The following FOXJ3 variants were observed in gnomAD, a reference collection of about 807,000 sequenced individuals.
FOXJ3 encodes the protein forkhead box protein J3.
Under a neutral mutation model 76.1 loss-of-function variants are expected in FOXJ3, and 22 were observed. The ratio of observed to expected loss-of-function variants is 0.29; its 90% CI spans 0.21 to 0.41. The LOEUF (loss-of-function observed/expected upper bound fraction) is 0.41. Ranked by LOEUF, FOXJ3 falls within the 10% of genes least tolerant of loss-of-function variation. The pLI is 1.00. For missense variants in FOXJ3, 613 were observed against 762.1 expected (o/e 0.80, Z 2.30); for synonymous variants, 269 against 261.2 (o/e 1.03, Z -0.29).
chr1:42,197,705 G>GTC (rs760278769), intron 7 of FOXJ3, among the ~76,000 whole-genome samples: 1 of 151,550 alleles, frequency 6.6e-6, no homozygotes, highest in Non-Finnish European at 1.5e-5. Flanking sequence ...AGAAATAACA[G>GTC]TCTCGCTCTA....
At chr1:42,326,358 GAGCTTAGAAAATATATACAGGTTCAA>G (rs1278853132) in intron 1 of FOXJ3, among the ~76,000 whole-genome samples, 1 of 152,152 alleles carries the variant, frequency 6.6e-6, no homozygotes, top group Non-Finnish European at 1.5e-5. Context: ...TCACTGTAGA[GAGCTTAGAAAATATATACAGGTTCAA>G]AGAAGAAAAT....
chr1:42,294,101 A>G (rs1653620818), intron 2 of FOXJ3, among the ~76,000 whole-genome samples: 1 of 152,156 alleles, frequency 6.6e-6, no homozygotes, highest in South Asian at 2.1e-4. Flanking sequence ...TTATAAGGAT[A>G]CTCTGGATGT....
chr1:42,252,762 T>G (rs965886102), intron 4 of FOXJ3, among the ~76,000 whole-genome samples: 3 of 152,164 alleles, frequency 2.0e-5, no homozygotes, highest in Admixed American at 6.5e-5. Flanking sequence ...TTGTGGGCAT[T>G]TAGTGCTATA....
chr1:42,202,646 G>C (rs1454067241), intron 6 of FOXJ3, among the ~76,000 whole-genome samples: 1 of 152,032 alleles, frequency 6.6e-6, no homozygotes, highest in Non-Finnish European at 1.5e-5. Flanking sequence ...CTATCACAAG[G>C]AGAAAAAAAT....
At chr1:42,328,947 G>A (rs1052039381) in intron 1 of FOXJ3, among the ~76,000 whole-genome samples, 31 of 152,212 alleles carry the variant, frequency 2.0e-4, no homozygotes, top group African/African-American at 7.0e-4. Flanking sequence ...GTTTACAGGC[G>A]TGAGCCACCA....
intron 3 of FOXJ3, among the ~76,000 whole-genome samples, chr1:42,274,034 C>CAATG (rs1652069450): frequency 6.6e-6 from 1 of 152,144 alleles, no homozygotes; most frequent in African/African-American, 2.4e-5. Flanking sequence ...GGTTTACAAT[C>CAATG]AATGATACAG....
At chr1:42,279,589 A>C (rs1652544866) in intron 2 of FOXJ3, among the ~76,000 whole-genome samples, 1 of 152,210 alleles carries the variant, frequency 6.6e-6, no homozygotes, top group African/African-American at 2.4e-5. Context: ...TGCCAGGTTA[A>C]CACATATCCT....
chr1:42,244,942 G>A (rs1479748465), intron 4 of FOXJ3, among the ~76,000 whole-genome samples: 1 of 152,194 alleles, frequency 6.6e-6, no homozygotes, highest in Non-Finnish European at 1.5e-5. Context: ...AGCACCTTGG[G>A]AGGCCGAGGC....
intron 2 of FOXJ3, among the ~76,000 whole-genome samples, chr1:42,282,945 T>C (rs1386857143): frequency 6.6e-6 from 1 of 152,154 alleles, no homozygotes; most frequent in African/African-American, 2.4e-5. Context: ...AACTATCCAA[T>C]GAAGGTATGC....
At chr1:42,325,473 G>C (rs1424764586) in intron 1 of FOXJ3, among the ~76,000 whole-genome samples, 1 of 152,164 alleles carries the variant, frequency 6.6e-6, no homozygotes, top group East Asian at 1.9e-4. Context: ...AGTCTTTGCT[G>C]GCAGGGACCC....
At chr1:42,244,396 G>A (rs1649377224) in intron 4 of FOXJ3, among the ~76,000 whole-genome samples, 1 of 152,144 alleles carries the variant, frequency 6.6e-6, no homozygotes, top group Non-Finnish European at 1.5e-5. Context: ...TCTGCCTATA[G>A]TCCCAGCTAC....
intron 4 of FOXJ3, among the ~76,000 whole-genome samples, chr1:42,248,983 A>G (rs1649793385): frequency 6.6e-6 from 1 of 151,900 alleles, no homozygotes; most frequent in Non-Finnish European, 1.5e-5. Flanking sequence ...AACTCCCACT[A>G]TGAGTGAGAA....
chr1:42,237,493 G>C (rs1648779781), intron 4 of FOXJ3, among the ~76,000 whole-genome samples: 1 of 137,008 alleles, frequency 7.3e-6, no homozygotes, highest in Non-Finnish European at 1.5e-5. Context: ...TATATATATG[G>C]GCTATTTCTG....
At position 42,291,071 on chromosome 1, in the gene FOXJ3, T is replaced by TAGACAGACAGACAGAC. The variant is rs1393418289; in HGVS notation, c.45-12400_45-12399insGTCTGTCTGTCTGTCT. 1.7e-3 allele frequency among the ~76,000 whole-genome samples: 148 copies of TAGACAGACAGACAGAC among 87,526 alleles called. 2 individuals are homozygous for TAGACAGACAGACAGAC. Among genetic ancestry groups the TAGACAGACAGACAGAC allele is most frequent in the Non-Finnish European group, 2.6e-3 (102 of 39,966 alleles). The allele number at this position is 87,526 out of a possible 152,430, so 57.4% of individuals were successfully genotyped here. ...ATAGATAGATAGATAGATAGATAGA[T>TAGACAGACAGACAGAC]AGATAGATAGATAGACAGACAGACA... On this transcript the variant is annotated intron_variant, in intron 2 of 12. Coordinates refer to ENST00000361346, the MANE Select transcript of FOXJ3 (RefSeq NM_014947.5).
chr1:42,315,846 T>A (rs2455084), intron 1 of FOXJ3, among the ~76,000 whole-genome samples: 111,933 of 152,148 alleles, frequency 0.74, 41,342 homozygotes, highest in Admixed American at 0.81. Flanking sequence ...ATTTGGTGCC[T>A]ACAGCATAAA....
At chr1:42,332,480 C>G (rs757360647) in intron 1 of FOXJ3, among the ~76,000 whole-genome samples, 1 of 152,120 alleles carries the variant, frequency 6.6e-6, no homozygotes, top group Non-Finnish European at 1.5e-5. Flanking sequence ...TTATTTTATT[C>G]CTACAACCAC....
At chr1:42,204,825 T>C (rs992439403) in intron 6 of FOXJ3, among the ~76,000 whole-genome samples, 5 of 151,934 alleles carry the variant, frequency 3.3e-5, no homozygotes, top group African/African-American at 4.8e-5. Flanking sequence ...CTTTCTGAAC[T>C]AGAAATCTGA....
intron 5 of FOXJ3, among the ~76,000 whole-genome samples, chr1:42,217,812 T>C (rs911600367): frequency 3.9e-5 from 6 of 152,224 alleles, no homozygotes; most frequent in African/African-American, 1.2e-4. Context: ...CACAGTTGTA[T>C]AGATCCCAAA....
Position 42,191,619 on chromosome 1 carries a change from G to T in FOXJ3, c.1035C>A (p.Asn345Lys), listed in dbSNP as rs780255342. 58 of 1,614,086 alleles carry T rather than the reference G, an allele frequency of 3.6e-5. No homozygotes were observed. The East Asian group carries it at 1.3e-3, about 36-fold the overall frequency. The change falls in exon 9 of 13, where the codon AAC (asparagine) becomes AAA (lysine). Residue 345 changes from asparagine to lysine, a missense_variant. Physicochemically the swap from Asn to Lys is moderately conservative, Grantham distance 94. Coordinates refer to ENST00000361346, the MANE Select transcript of FOXJ3 (RefSeq NM_014947.5). Reference sequence around the variant, plus strand: ...CATGACTGTTGGACAGGCTGCTTTGGTTGCTGTGTGGGTGAGTGCTCACTG... The same window carrying T: ...CATGACTGTTGGACAGGCTGCTTTGTTTGCTGTGTGGGTGAGTGCTCACTG... ...SSTVSTHPHS[N>K]QSSLSNSHGS...
Sources: gnomAD v4.1 joint callset for allele counts (sites outside exome capture counted in the v4.1 genomes callset) on GRCh38, gnomAD v4.1.1 for gene constraint, MANE v1.5 for transcripts, NCBI Gene and HGNC (gene_info 2026-07-23, HGNC 2026-07-21) for gene names.